The following MGRN1 variants were observed in gnomAD, a reference collection of about 807,000 sequenced individuals.
MGRN1 encodes the protein mahogunin ring finger 1.
A neutral mutation model predicts 69.2 loss-of-function variants in MGRN1; 29 were observed. The observed-to-expected ratio is 0.42, with a 90% CI of 0.31 to 0.57. The LOEUF (loss-of-function observed/expected upper bound fraction) is 0.57, where lower values mean the gene tolerates loss of function less well. Among genes scored for constraint, MGRN1 ranks in the 20% least tolerant of loss-of-function variants. The pLI is 0.15. For missense variants in MGRN1, 998 were observed against 796.2 expected (o/e 1.25, Z -3.05); for synonymous variants, 470 against 344.2 (o/e 1.37, Z -4.04).
chr16:4,646,987 C>T (rs1230810859), intron 1 of MGRN1, among the ~76,000 whole-genome samples: 2 of 152,196 alleles, frequency 1.3e-5, no homozygotes, highest in East Asian at 1.9e-4. Context: ...CTTCTGGACC[C>T]CACCTCAGTA....
At chr16:4,625,672 G>A (rs577618123) in intron 1 of MGRN1, among the ~76,000 whole-genome samples, 17 of 152,358 alleles carry the variant, frequency 1.1e-4, no homozygotes, top group Admixed American at 5.9e-4. Context: ...AGGAGGAAGT[G>A]ACTGCCAAGA....
At position 4,680,076 on chromosome 16, in the gene MGRN1, C is replaced by A. The variant is rs752757705; in HGVS notation, c.1110C>A (p.Ser370Arg). The change falls in exon 12 of 17, where the codon AGC (serine) becomes AGA (arginine). Residue 370 changes from serine (S) to arginine (R), a missense_variant. Ser to Arg is a moderately radical substitution (Grantham distance 110, BLOSUM62 -1). Coordinates refer to ENST00000262370, the MANE Select transcript of MGRN1 (RefSeq NM_015246.4). ...KSKPHPASLA[S>R]KKPKRETNSD... is the part of the protein sequence containing the mutation. ...AGCCGCACCCCGCCTCCCTGGCCAG[C>A]AAGAAACCTAAAAGGGAAACAGTAA... 55 of 1,613,986 alleles carry A rather than the reference C, an allele frequency of 3.4e-5. No homozygotes were observed. Among genetic ancestry groups the A allele is most frequent in the East Asian group, 6.7e-5 (3 of 44,900 alleles).
rs1461245659 is a variant in MGRN1 at position 4,688,981 on chromosome 16, T to G, written c.*73T>G. Reference sequence around the variant, plus strand: ...GCCGAGGGGCTGCTCCGGACCCCGTTGTGAGCCGGCCTCCTGTCTGCATGC... The same window carrying G: ...GCCGAGGGGCTGCTCCGGACCCCGTGGTGAGCCGGCCTCCTGTCTGCATGC... On this transcript the variant is annotated 3_prime_UTR_variant, in exon 17 of 17. Coordinates refer to ENST00000262370, the MANE Select transcript of MGRN1 (RefSeq NM_015246.4). 3 of 1,463,166 alleles carry G rather than the reference T, an allele frequency of 2.1e-6. No individual in the cohort carries two copies. Among genetic ancestry groups the G allele is most frequent in the Admixed American group, 2.4e-5 (1 of 41,966 alleles). The allele number at this position is 1,463,166 out of a possible 1,614,324, so 90.6% of individuals were successfully genotyped here.
At position 4,674,626 on chromosome 16, in the gene MGRN1, C is replaced by CTTTTTTTTTTTTTTTTTTTT. The variant is rs71139654; in HGVS notation, c.955+975_955+994dup. ...CTTTTTTTTTCTTTTCTTTTCTTTT[C>CTTTTTTTTTTTTTTTTTTTT]TTTTTTTTTTTTTTTTTTTTTTTTT... On this transcript the variant is annotated intron_variant, in intron 10 of 16. Transcript: ENST00000262370. Among the ~76,000 whole-genome samples the CTTTTTTTTTTTTTTTTTTTT allele has an allele frequency of 6.3e-5, 3 of 47,254 alleles. 1 individual carries two copies. The highest frequency in any genetic ancestry group is 3.4e-4 in the Admixed American group (1 of 2,938). The allele number at this position is 47,254 out of a possible 152,430, so 31.0% of individuals were successfully genotyped here. A position where few individuals can be genotyped will look rare whatever the true frequency, so the allele number is the denominator to read the frequency against.
At chr16:4,683,181 G>T (rs560698588) in intron 14 of MGRN1, 43 bp from the exon 15 acceptor site, 3 of 1,608,824 alleles carry the variant, frequency 1.9e-6, no homozygotes, top group Admixed American at 1.7e-5. Context: ...AGCGGTGGCC[G>T]CGGCTCTCTG....
At chr16:4,642,054 G>A (rs796841720) in intron 1 of MGRN1, among the ~76,000 whole-genome samples, 20 of 151,030 alleles carry the variant, frequency 1.3e-4, no homozygotes, top group African/African-American at 4.4e-4. Flanking sequence ...CGTAGACCCT[G>A]TTCTTGAGTG....
chr16:4,625,794 G>A (rs1295052976), intron 1 of MGRN1, among the ~76,000 whole-genome samples: 1 of 152,218 alleles, frequency 6.6e-6, no homozygotes, highest in African/African-American at 2.4e-5. Context: ...TTGACTGGGA[G>A]CATCTAGCTC....
chr16:4,679,500 AAG>A (rs909888267), intron 11 of MGRN1, among the ~76,000 whole-genome samples: 1 of 150,948 alleles, frequency 6.6e-6, no homozygotes, highest in African/African-American at 2.4e-5. Context: ...TAGTGACAGA[AAG>A]AGCCACCGTG....
At chr16:4,628,385 CAAAA>C (rs35474754) in intron 1 of MGRN1, among the ~76,000 whole-genome samples, 7 of 94,002 alleles carry the variant, frequency 7.4e-5, no homozygotes, top group Non-Finnish European at 7.0e-5. Context: ...ACTCTGTCTC[CAAAA>C]AAAAAAAAAA....
intron 5 of MGRN1, among the ~76,000 whole-genome samples, chr16:4,657,807 G>A (rs144422853): frequency 0.015 from 2,104 of 141,686 alleles, 28 homozygotes; most frequent in Non-Finnish European, 0.023. Flanking sequence ...GTGCAGTGGC[G>A]CGATCTCGGA....
intron 16 of MGRN1, chr16:4,688,380 C>T (rs770200982): frequency 7.4e-5 from 74 of 1,003,004 alleles, no homozygotes; most frequent in Middle Eastern, 5.0e-4. Flanking sequence ...CACCCAGGGC[C>T]GCTCCCCACC....
intron 12 of MGRN1, 94 bp downstream of exon 12, chr16:4,680,191 T>C: frequency 8.0e-7 from 1 of 1,257,192 alleles, no homozygotes; most frequent in Admixed American, 2.0e-5. Flanking sequence ...CCCAGGCTAG[T>C]GTCTGATTCA....
At chr16:4,657,400 T>C (rs1478976702) in intron 5 of MGRN1, 37 bp downstream of exon 5, 2 of 1,576,898 alleles carry the variant, frequency 1.3e-6, no homozygotes, top group Non-Finnish European at 1.7e-6. Flanking sequence ...CCTTCGCTCC[T>C]CCTGAATTCT....
intron 2 of MGRN1, among the ~76,000 whole-genome samples, chr16:4,651,677 C>T (rs2078409702): frequency 6.6e-6 from 1 of 152,018 alleles, no homozygotes; most frequent in East Asian, 1.9e-4. Flanking sequence ...ATATGGGAAG[C>T]CTGGGAGAGC....
intron 7 of MGRN1, among the ~76,000 whole-genome samples, chr16:4,667,689 G>T (rs894404820): frequency 6.6e-6 from 1 of 152,222 alleles, no homozygotes. Flanking sequence ...CGAGGTCTCC[G>T]ATCTCAAGCC....
chr16:4,643,850 GA>G (rs1310055712), intron 1 of MGRN1, among the ~76,000 whole-genome samples: 10 of 151,980 alleles, frequency 6.6e-5, no homozygotes, highest in Non-Finnish European at 5.9e-5. Context: ...GAAGAAATAC[GA>G]AAAAACATTG....
At chr16:4,647,726 TGTG>T (rs576868239) in intron 1 of MGRN1, among the ~76,000 whole-genome samples, 311 of 152,296 alleles carry the variant, frequency 2.0e-3, no homozygotes, top group African/African-American at 7.2e-3. Context: ...CCAGCAGCTG[TGTG>T]GTGGGCCATA....
chr16:4,674,182 C>A (rs1278306712), intron 10 of MGRN1, among the ~76,000 whole-genome samples: 1 of 152,128 alleles, frequency 6.6e-6, no homozygotes, highest in Non-Finnish European at 1.5e-5. Flanking sequence ...TGGGGTTTTG[C>A]CATGTTGGCC....
chr16:4,662,949 G>A (rs1015157042), intron 5 of MGRN1, among the ~76,000 whole-genome samples: 3 of 152,218 alleles, frequency 2.0e-5, no homozygotes, highest in Non-Finnish European at 4.4e-5. Context: ...CTTCCTCATG[G>A]GTCTTAGTCA....
Sources: gnomAD v4.1 joint callset for allele counts (sites outside exome capture counted in the v4.1 genomes callset) on GRCh38, gnomAD v4.1.1 for gene constraint, MANE v1.5 for transcripts, NCBI Gene and HGNC (gene_info 2026-07-23, HGNC 2026-07-21) for gene names.